Variants in LZTS1 observed in about 807,000 individuals in gnomAD.
LZTS1 encodes leucine zipper tumor suppressor 1.
Under a neutral mutation model 45.8 loss-of-function variants are expected in LZTS1, and 31 were observed. That is an observed-to-expected ratio of 0.68 (90% CI 0.51 to 0.91). The LOEUF is 0.91. Ranked by LOEUF, LZTS1 falls within the 40% of genes least tolerant of loss-of-function variation. LZTS1 has a pLI of 0.00. For missense variants in LZTS1, 821 were observed against 788.9 expected, an observed-to-expected ratio of 1.04 and a Z score of -0.49; for synonymous variants, 359 against 357.3, an observed-to-expected ratio of 1.00 and a Z score of -0.05.
intron 1 of LZTS1, among the ~76,000 whole-genome samples, chr8:20,265,279 C>T (rs1159338298): frequency 1.3e-5 from 2 of 152,182 alleles, no homozygotes; most frequent in Admixed American, 1.3e-4. Context: ...ACTTCACACT[C>T]ACTATTATTC....
intron 1 of LZTS1, among the ~76,000 whole-genome samples, chr8:20,265,676 C>CAAAA (rs71222140): frequency 0.026 from 1,112 of 42,990 alleles, 312 homozygotes; most frequent in Non-Finnish European, 0.032. Flanking sequence ...GACTCTGTCT[C>CAAAA]AAAAAAAAAA....
chr8:20,300,426 G>A (rs1563905441), intron 1 of LZTS1, among the ~76,000 whole-genome samples: 5 of 151,832 alleles, frequency 3.3e-5, no homozygotes, highest in East Asian at 1.9e-4. Flanking sequence ...TCCCCCTCCC[G>A]GGTTCACGCC....
chr8:20,275,173 G>A (rs188849743), intron 1 of LZTS1, among the ~76,000 whole-genome samples: 146 of 152,182 alleles, frequency 9.6e-4, no homozygotes, highest in Admixed American at 1.2e-3. Flanking sequence ...AGACTGAGGC[G>A]GGTGGATCAC....
chr8:20,252,675 G>A, intron 3 of LZTS1, 107 bp downstream of exon 3: 1 of 980,410 alleles, frequency 1.0e-6, no homozygotes. Context: ...AGCCCCGCTT[G>A]CCTGCGCGGT....
intron 3 of LZTS1, among the ~76,000 whole-genome samples, chr8:20,251,393 T>A (rs1473085119): frequency 6.6e-6 from 1 of 151,928 alleles, no homozygotes; most frequent in Non-Finnish European, 1.5e-5. Flanking sequence ...TCTCCAGGAC[T>A]GTGCAGTGTT....
chr8:20,253,735 C>A (rs1800015169), intron 2 of LZTS1, 150 bp from the exon 3 acceptor site: 1 of 567,580 alleles, frequency 1.8e-6, no homozygotes, highest in Non-Finnish European at 2.9e-6. Context: ...GCAGACCTTG[C>A]CTGTTGCTTT....
intron 1 of LZTS1, among the ~76,000 whole-genome samples, chr8:20,273,290 G>C (rs1159496518): frequency 1.3e-5 from 2 of 152,006 alleles, no homozygotes; most frequent in Non-Finnish European, 2.9e-5. Context: ...TCTAAATGTG[G>C]ATGCTTTTCA....
intron 1 of LZTS1, among the ~76,000 whole-genome samples, chr8:20,270,856 G>A (rs544769652): frequency 6.6e-6 from 1 of 151,670 alleles, no homozygotes; most frequent in Non-Finnish European, 1.5e-5. Flanking sequence ...GAGGGAAGGG[G>A]TGGAACAGGG....
At chr8:20,277,901 G>A (rs1475175012) in intron 1 of LZTS1, among the ~76,000 whole-genome samples, 1 of 152,174 alleles carries the variant, frequency 6.6e-6, no homozygotes, top group South Asian at 2.1e-4. Flanking sequence ...CTGGGAGCAG[G>A]ATAATGTGTG....
intron 1 of LZTS1, among the ~76,000 whole-genome samples, chr8:20,280,301 C>T (rs76913274): frequency 2.6e-4 from 39 of 152,308 alleles, no homozygotes; most frequent in African/African-American, 8.7e-4. Flanking sequence ...TTTGGCTCTT[C>T]CCGCAGCCTG....
intron 1 of LZTS1, among the ~76,000 whole-genome samples, chr8:20,284,637 C>T (rs527368860): frequency 6.6e-6 from 1 of 152,196 alleles, no homozygotes; most frequent in East Asian, 1.9e-4. Context: ...CCTCGGGGTA[C>T]TAAGCCACAC....
At position 20,303,592 on chromosome 8, in the gene LZTS1, C is replaced by G. The variant is rs886201149; in HGVS notation, c.-135+148G>C. 1.8e-5 allele frequency: 12 copies of G among 672,348 alleles called. No individual in the cohort carries two copies. In the African/African-American group the frequency reaches 2.4e-4, roughly 13 times the overall value. The allele number at this position is 672,348 out of a possible 1,614,324, so 41.6% of individuals were successfully genotyped here. A position where few individuals can be genotyped will look rare whatever the true frequency, so the allele number is the denominator to read the frequency against. On this transcript the variant is annotated intron_variant, in intron 1 of 3. Transcript: ENST00000381569. ...TGACAGCTCCACGCGGAGACAAAGA[C>G]ACCTCGACAGCCACGGACACAGACA... is the stretch of plus-strand genomic sequence containing the variant.
At chr8:20,251,112 TATATATATATATATATATATA>T (rs1184308682) in intron 3 of LZTS1, among the ~76,000 whole-genome samples, 11 of 88,748 alleles carry the variant, frequency 1.2e-4, no homozygotes, top group East Asian at 3.0e-4. Flanking sequence ...TATATATATA[TATATATATATATATATATATA>T]TATATATATA....
At chr8:20,288,136 G>A (rs1284880048) in intron 1 of LZTS1, among the ~76,000 whole-genome samples, 1 of 152,134 alleles carries the variant, frequency 6.6e-6, no homozygotes, top group African/African-American at 2.4e-5. Flanking sequence ...AAAGAGGAGT[G>A]AAGCTTTCCT....
chr8:20,299,752 A>C (rs538163218), intron 1 of LZTS1, among the ~76,000 whole-genome samples: 2 of 152,070 alleles, frequency 1.3e-5, no homozygotes, highest in African/African-American at 4.8e-5. Flanking sequence ...TCATGGCCAG[A>C]TTACCTCCCC....
At chr8:20,253,719 G>A (rs944082591) in intron 2 of LZTS1, 134 bp from the exon 3 acceptor site, 1 of 617,724 alleles carries the variant, frequency 1.6e-6, no homozygotes, top group Middle Eastern at 4.4e-4. Flanking sequence ...TTGGTCAATT[G>A]TCTCAGCAGA....
intron 1 of LZTS1, among the ~76,000 whole-genome samples, chr8:20,298,862 C>T (rs1801021249): frequency 6.6e-6 from 1 of 152,078 alleles, no homozygotes; most frequent in Admixed American, 6.5e-5. Context: ...AGAGAAACAG[C>T]AAGATCTTGT....
chr8:20,262,869 GAA>G (rs1800271842), intron 1 of LZTS1, among the ~76,000 whole-genome samples: 1 of 152,124 alleles, frequency 6.6e-6, no homozygotes, highest in Non-Finnish European at 1.5e-5. Flanking sequence ...GGAAGAGGAG[GAA>G]AATATGAGTT....
At position 20,253,576 on chromosome 8, in the gene LZTS1, T is replaced by C. The variant is rs119473032; in HGVS notation, c.355A>G (p.Lys119Glu). Reference protein sequence around the residue: ...FSNQLEMGSEKGAVRPTAFKP... With the variant: ...FSNQLEMGSEEGAVRPTAFKP... ...AAGGCTGTGGGCCTCACTGCACCCT[T>C]CTCGGAGCCCTGTAGAGGAAAAGGA... The change falls in exon 3 of 4, where the codon AAG (lysine) becomes GAG (glutamate). Residue 119 changes from lysine (K) to glutamate (E), a missense_variant. Coordinates refer to ENST00000381569, the MANE Select transcript of LZTS1 (RefSeq NM_021020.5). 6.9e-7 allele frequency: 1 copy of C among 1,455,926 alleles called. No individual in the cohort carries two copies. The highest frequency in any genetic ancestry group is 9.0e-7 in the Non-Finnish European group (1 of 1,106,112). The allele number at this position is 1,455,926 out of a possible 1,614,324, so 90.2% of individuals were successfully genotyped here.
Sources: gnomAD v4.1 joint callset for allele counts (sites outside exome capture counted in the v4.1 genomes callset) on GRCh38, gnomAD v4.1.1 for gene constraint, MANE v1.5 for transcripts, NCBI Gene and HGNC (gene_info 2026-07-23, HGNC 2026-07-21) for gene names.